Variants in ACAP2 observed in about 807,000 individuals in gnomAD.
The protein encoded by ACAP2 is arf-GAP with coiled-coil, ANK repeat and PH domain-containing protein 2.
A neutral mutation model predicts 115.8 loss-of-function variants in ACAP2; 39 were observed. The ratio of observed to expected loss-of-function variants is 0.34; its 90% CI spans 0.26 to 0.44. ACAP2 has a LOEUF of 0.44. Ranked by LOEUF, ACAP2 falls within the 20% of genes least tolerant of loss-of-function variation. The pLI is 1.00. For synonymous variants in ACAP2, 289 were observed against 315.8 expected (o/e 0.92, Z 0.90); for missense variants, 662 against 927.6 (o/e 0.71, Z 3.72).
chr3:195,294,176 C>T (rs1254090472), intron 18 of ACAP2, among the ~76,000 whole-genome samples: 2 of 151,878 alleles, frequency 1.3e-5, no homozygotes, highest in Non-Finnish European at 2.9e-5. Flanking sequence ...AAAGTATAAA[C>T]AATATATAGC....
intron 9 of ACAP2, among the ~76,000 whole-genome samples, chr3:195,321,842 A>G (rs1424006816): frequency 6.6e-6 from 1 of 151,988 alleles, no homozygotes; most frequent in African/African-American, 2.4e-5. Flanking sequence ...CAAACTCCTG[A>G]CTTCAAGTGA....
At chr3:195,297,033 TA>T (rs1453340499) in intron 16 of ACAP2, among the ~76,000 whole-genome samples, 156 bp downstream of exon 16, 1 of 152,174 alleles carries the variant, frequency 6.6e-6, no homozygotes, top group Non-Finnish European at 1.5e-5. Context: ...TATAATTATC[TA>T]ATTAACATAC....
chr3:195,401,593 G>C (rs539891358), intron 1 of ACAP2, among the ~76,000 whole-genome samples: 12 of 152,298 alleles, frequency 7.9e-5, no homozygotes, highest in African/African-American at 2.9e-4. Context: ...CTTGAACCCG[G>C]GAGGCAGAGG....
intron 6 of ACAP2, among the ~76,000 whole-genome samples, chr3:195,341,388 G>A (rs951585185): frequency 1.4e-5 from 2 of 142,790 alleles, no homozygotes. Context: ...GCAGTGGTGC[G>A]ATCTCAGCTC....
At chr3:195,338,521 G>C (rs1177727231) in intron 6 of ACAP2, among the ~76,000 whole-genome samples, 1 of 152,090 alleles carries the variant, frequency 6.6e-6, no homozygotes, top group Non-Finnish European at 1.5e-5. Context: ...GGTTCTCACT[G>C]TGTTGCACAG....
intron 4 of ACAP2, among the ~76,000 whole-genome samples, chr3:195,374,339 G>A (rs1013184221): frequency 6.6e-6 from 1 of 152,140 alleles, no homozygotes; most frequent in Admixed American, 6.5e-5. Flanking sequence ...GCAGTGAGCC[G>A]AGATCAGGCC....
Position 195,327,324 on chromosome 3 carries a change from G to T in ACAP2, c.670-365C>A, listed in dbSNP as rs925227879. On this transcript the variant is annotated intron_variant, in intron 8 of 22. Transcript: ENST00000326793. Reference sequence around the variant, plus strand: ...GCAAATTCTGGTAGTTAAAATCAAAGACACGAAGAAGACACTAGTGACTTC... The same window carrying T: ...GCAAATTCTGGTAGTTAAAATCAAATACACGAAGAAGACACTAGTGACTTC... 5.3e-5 allele frequency among the ~76,000 whole-genome samples: 8 copies of T among 152,054 alleles called. No homozygotes were observed. The East Asian group carries it at 1.5e-3, about 29-fold the overall frequency.
intron 10 of ACAP2, among the ~76,000 whole-genome samples, chr3:195,313,468 G>A (rs1728889992): frequency 6.6e-6 from 1 of 152,136 alleles, no homozygotes; most frequent in African/African-American, 2.4e-5. Context: ...GGATGTCAAA[G>A]ATTATAAAAT....
intron 1 of ACAP2, among the ~76,000 whole-genome samples, chr3:195,424,244 GGT>G (rs58166272): frequency 1.1e-4 from 8 of 69,632 alleles, no homozygotes; most frequent in East Asian, 4.4e-4. Context: ...GTGTGTGTGT[GGT>G]GTGTGTGTGT....
At chr3:195,348,012 A>G (rs1731295552) in intron 4 of ACAP2, among the ~76,000 whole-genome samples, 1 of 151,786 alleles carries the variant, frequency 6.6e-6, no homozygotes, top group African/African-American at 2.4e-5. Context: ...GTAAGATCCT[A>G]TCTCGAAAGA....
At chr3:195,345,743 T>C (rs574181504) in intron 4 of ACAP2, among the ~76,000 whole-genome samples, 2 of 152,248 alleles carry the variant, frequency 1.3e-5, no homozygotes, top group Non-Finnish European at 2.9e-5. Context: ...GAGGTAGAGG[T>C]TACTCATTGG....
At chr3:195,383,902 T>A (rs1442999336) in intron 2 of ACAP2, among the ~76,000 whole-genome samples, 1 of 152,068 alleles carries the variant, frequency 6.6e-6, no homozygotes, top group Non-Finnish European at 1.5e-5. Context: ...CTCACTATAA[T>A]AAAAGAAATG....
chr3:195,346,657 C>G (rs1294673536), intron 4 of ACAP2, among the ~76,000 whole-genome samples: 1 of 152,058 alleles, frequency 6.6e-6, no homozygotes, highest in Non-Finnish European at 1.5e-5. Context: ...TATAACAATC[C>G]CAATCCTAGG....
At chr3:195,298,381 G>T (rs758134100) in intron 15 of ACAP2, among the ~76,000 whole-genome samples, 1 of 150,502 alleles carries the variant, frequency 6.6e-6, no homozygotes, top group Non-Finnish European at 1.5e-5. Flanking sequence ...TCAACCTCCC[G>T]AGTAACTGGG....
At chr3:195,338,177 G>C (rs761866889) in intron 6 of ACAP2, among the ~76,000 whole-genome samples, 11 of 152,116 alleles carry the variant, frequency 7.2e-5, no homozygotes, top group Non-Finnish European at 1.5e-4. Context: ...TTTCTGATTT[G>C]TGTCTTCTCC....
At chr3:195,431,811 TC>T (rs1715151575) in intron 1 of ACAP2, among the ~76,000 whole-genome samples, 1 of 152,064 alleles carries the variant, frequency 6.6e-6, no homozygotes, top group Non-Finnish European at 1.5e-5. Flanking sequence ...CATTTTACAT[TC>T]CCACTGGCAG....
rs548223644 is a variant in ACAP2 at position 195,351,688 on chromosome 3, T to A, written c.286-6371A>T. On this transcript the variant is annotated intron_variant, in intron 4 of 22. Transcript: ENST00000326793. ...ACTGTGTTAGGCAGGATGGTCTGGA[T>A]CTCCTGATCCGTGATCCGCCCGCAT... Among the ~76,000 whole-genome samples, 10 of 146,898 alleles carry A rather than the reference T, an allele frequency of 6.8e-5. No homozygotes were observed. The East Asian group carries it at 2.1e-3, about 31-fold the overall frequency.
At chr3:195,414,013 GAAAGAAA>G (rs1237010314) in intron 1 of ACAP2, among the ~76,000 whole-genome samples, 1 of 151,850 alleles carries the variant, frequency 6.6e-6, no homozygotes, top group Non-Finnish European at 1.5e-5. Context: ...AAGAAAAAAA[GAAAGAAA>G]AGAGGAGGAG....
intron 18 of ACAP2, among the ~76,000 whole-genome samples, chr3:195,293,666 A>AC (rs2108931740): frequency 6.6e-6 from 1 of 152,180 alleles, no homozygotes; most frequent in South Asian, 2.1e-4. Context: ...ACATGGTGAA[A>AC]CCCCATCTCT....
Sources: gnomAD v4.1 joint callset for allele counts (sites outside exome capture counted in the v4.1 genomes callset) on GRCh38, gnomAD v4.1.1 for gene constraint, MANE v1.5 for transcripts, NCBI Gene and HGNC (gene_info 2026-07-23, HGNC 2026-07-21) for gene names.